PLEKHM3: variants seen among roughly 807,000 people sequenced by gnomAD.
PLEKHM3 encodes pleckstrin homology domain containing M3.
PLEKHM3 carries 45 observed loss-of-function variants against 81.8 expected under a neutral mutation model. The observed-to-expected ratio is 0.55, with a 90% CI of 0.43 to 0.71. PLEKHM3 has a LOEUF of 0.71. PLEKHM3 is among the 30% of genes least tolerant of loss of function. The probability of loss-of-function intolerance (pLI) is 0.00; values close to 1 mark genes in which losing one functional copy is unlikely to be tolerated. For synonymous variants in PLEKHM3, 352 were observed against 356.4 expected (o/e 0.99, Z 0.14); for missense variants, 788 against 924.3 (o/e 0.85, Z 1.91).
At chr2:207,920,921 C>T (rs573767062) in intron 5 of PLEKHM3, among the ~76,000 whole-genome samples, 5 of 152,274 alleles carry the variant, frequency 3.3e-5, no homozygotes, top group South Asian at 2.1e-4. Context: ...CAGGAGTGCC[C>T]GTCTCAGCAA....
intron 6 of PLEKHM3, among the ~76,000 whole-genome samples, chr2:207,871,998 G>T (rs1363852945): frequency 6.6e-6 from 1 of 152,164 alleles, no homozygotes; most frequent in Admixed American, 6.5e-5. Context: ...ATGAGGAAAA[G>T]TTCTAAGCAG....
At chr2:207,908,649 T>C in intron 5 of PLEKHM3, 72 bp from the exon 6 acceptor site, 1 of 1,389,736 alleles carries the variant, frequency 7.2e-7, no homozygotes, top group Non-Finnish European at 1.0e-6. Flanking sequence ...TAAGTTTCAG[T>C]CTCATTCAAG....
At chr2:208,006,766 C>T (rs139701513) in intron 1 of PLEKHM3, among the ~76,000 whole-genome samples, 40 of 152,282 alleles carry the variant, frequency 2.6e-4, no homozygotes, top group Non-Finnish European at 4.7e-4. Flanking sequence ...GACCTATAGA[C>T]ATTTTATCTT....
intron 7 of PLEKHM3, among the ~76,000 whole-genome samples, chr2:207,841,825 C>T (rs1187194100): frequency 6.6e-6 from 1 of 152,060 alleles, no homozygotes; most frequent in Non-Finnish European, 1.5e-5. Context: ...TTTTACAATA[C>T]ATTTTTATAT....
intron 7 of PLEKHM3, chr2:207,852,716 A>T (rs10932211): frequency 9.2e-5 from 37 of 404,068 alleles, no homozygotes; most frequent in Non-Finnish European, 1.6e-4. Context: ...AGGCAGGGAA[A>T]GGCTGAAAAA....
At chr2:207,915,480 T>C (rs1449505765) in intron 5 of PLEKHM3, among the ~76,000 whole-genome samples, 1 of 151,804 alleles carries the variant, frequency 6.6e-6, no homozygotes, top group Non-Finnish European at 1.5e-5. Context: ...GGGATTGGGG[T>C]CAGGCTCTAA....
chr2:207,844,566 A>C (rs2092373320), intron 7 of PLEKHM3, among the ~76,000 whole-genome samples: 1 of 151,934 alleles, frequency 6.6e-6, no homozygotes, highest in South Asian at 2.1e-4. Context: ...TAGGCCTCCC[A>C]AAGTGCTGGG....
At chr2:207,953,614 C>A (rs1337741449) in intron 3 of PLEKHM3, among the ~76,000 whole-genome samples, 2 of 151,946 alleles carry the variant, frequency 1.3e-5, no homozygotes, top group African/African-American at 4.8e-5. Flanking sequence ...CATGGTGAAA[C>A]CTCTACTAAA....
intron 1 of PLEKHM3, among the ~76,000 whole-genome samples, chr2:208,011,064 C>CAAAAA (rs10587149): frequency 2.2e-4 from 14 of 65,052 alleles, no homozygotes; most frequent in Non-Finnish European, 3.6e-4. Flanking sequence ...TGGCCATAAT[C>CAAAAA]AAAAAAAAAA....
At chr2:207,839,374 T>C (rs2092337475) in intron 7 of PLEKHM3, among the ~76,000 whole-genome samples, 1 of 152,214 alleles carries the variant, frequency 6.6e-6, no homozygotes, top group African/African-American at 2.4e-5. Context: ...CCTATCTAAC[T>C]TTATGAGCAG....
chr2:207,837,392 G>A (rs913741631), intron 7 of PLEKHM3, among the ~76,000 whole-genome samples: 13 of 152,072 alleles, frequency 8.5e-5, no homozygotes, highest in Non-Finnish European at 1.3e-4. Context: ...CCTAAGGTCA[G>A]GAGTTTGAGA....
intron 4 of PLEKHM3, among the ~76,000 whole-genome samples, chr2:207,937,035 C>A (rs368301204): frequency 3.3e-5 from 5 of 151,934 alleles, no homozygotes; most frequent in Non-Finnish European, 5.9e-5. Context: ...GAAGGATACA[C>A]GAGAAAGGAG....
At chr2:207,992,508 C>G (rs1306671812) in intron 2 of PLEKHM3, among the ~76,000 whole-genome samples, 1 of 152,122 alleles carries the variant, frequency 6.6e-6, no homozygotes, top group Non-Finnish European at 1.5e-5. Flanking sequence ...CCCTTCCATT[C>G]TGAATAAAAA....
At chr2:207,921,149 A>G (rs1285235106) in intron 5 of PLEKHM3, among the ~76,000 whole-genome samples, 1 of 152,042 alleles carries the variant, frequency 6.6e-6, no homozygotes, top group African/African-American at 2.4e-5. Flanking sequence ...CCTGGGTTCA[A>G]GTGATTCTCC....
At chr2:207,933,727 T>G (rs1282367206) in intron 4 of PLEKHM3, among the ~76,000 whole-genome samples, 1 of 152,216 alleles carries the variant, frequency 6.6e-6, no homozygotes, top group African/African-American at 2.4e-5. Flanking sequence ...GCCACTGACA[T>G]CAGTATTCAT....
chr2:207,963,492 A>T (rs1019623584), intron 3 of PLEKHM3, among the ~76,000 whole-genome samples: 21 of 152,198 alleles, frequency 1.4e-4, no homozygotes, highest in African/African-American at 2.4e-5. Flanking sequence ...TTGAGACAAG[A>T]TTTAGAAAAA....
At chr2:208,004,848 G>C (rs987290735) in intron 1 of PLEKHM3, among the ~76,000 whole-genome samples, 1 of 151,804 alleles carries the variant, frequency 6.6e-6, no homozygotes. Context: ...TTTTCAAGAC[G>C]GAGTTTTGCT....
At chr2:207,929,784 C>A in intron 5 of PLEKHM3, 1 of 566,514 alleles carries the variant, frequency 1.8e-6, no homozygotes, top group South Asian at 2.5e-5. Context: ...TTACTATCTA[C>A]ATTTAGTTCT....
intron 3 of PLEKHM3, among the ~76,000 whole-genome samples, chr2:207,948,032 G>A (rs576741064): frequency 6.6e-6 from 1 of 152,250 alleles, no homozygotes; most frequent in South Asian, 2.1e-4. Context: ...GGCTTCCAGA[G>A]CTTGATCCAG....
Sources: allele counts gnomAD v4.1 joint callset (sites outside exome capture counted in the v4.1 genomes callset), GRCh38; gene constraint gnomAD v4.1.1; transcripts MANE v1.5; gene names NCBI Gene and HGNC (gene_info 2026-07-23, HGNC 2026-07-21).